STIM2: variants seen among roughly 807,000 people sequenced by gnomAD.
The protein encoded by STIM2 is stromal interaction molecule 2.
STIM2 carries 31 observed loss-of-function variants against 85.8 expected under a neutral mutation model. That is an observed-to-expected ratio of 0.36 (90% CI 0.27 to 0.49). STIM2 has a LOEUF of 0.49. STIM2 is among the 20% of genes least tolerant of loss of function. The pLI is 0.98. For missense variants in STIM2, 841 were observed against 927.6 expected (o/e 0.91, Z 1.21); for synonymous variants, 356 against 331.1 (o/e 1.08, Z -0.82).
At chr4:26,935,658 C>T (rs1725365979) in intron 2 of STIM2, among the ~76,000 whole-genome samples, 1 of 152,180 alleles carries the variant, frequency 6.6e-6, no homozygotes, top group Admixed American at 6.5e-5. Context: ...TTAACAAATC[C>T]TCTGGGTGAT....
chr4:26,860,911 T>C lies in STIM2; in HGVS notation c.-308T>C. 9.0e-7 allele frequency: 1 copy of C among 1,116,678 alleles called. No homozygotes were observed. Among genetic ancestry groups the C allele is most frequent in the Non-Finnish European group, 1.1e-6 (1 of 902,900 alleles). The allele number at this position is 1,116,678 out of a possible 1,614,324, so 69.2% of individuals were successfully genotyped here. On this transcript the variant is annotated 5_prime_UTR_variant, in exon 1 of 12. Transcript: ENST00000467087. ...TGCACCGCCTGAAGACGCCGTACCTTTCTACCCCCCACCTTTTTTTTTTTT... is the reference window on the plus strand; with the variant it reads ...TGCACCGCCTGAAGACGCCGTACCTCTCTACCCCCCACCTTTTTTTTTTTT...
rs184719589 is a variant in STIM2, at chr4:26,997,734, T to C, written c.510-1498T>C. Among the ~76,000 whole-genome samples, 5 of 152,342 alleles carry C rather than the reference T, an allele frequency of 3.3e-5. No homozygotes were observed. In the East Asian group the frequency reaches 7.7e-4, roughly 23 times the overall value. On this transcript the variant is annotated intron_variant, in intron 4 of 11. Coordinates refer to ENST00000467087, the MANE Select transcript of STIM2 (RefSeq NM_020860.4). ...ACATTAGGCTTTGGGGATACAGAGA[T>C]ACGACATAGTCTTTGCCTTCATGCA...
intron 1 of STIM2, among the ~76,000 whole-genome samples, chr4:26,892,997 C>A (rs1723552233): frequency 6.6e-6 from 1 of 152,158 alleles, no homozygotes; most frequent in Non-Finnish European, 1.5e-5. Flanking sequence ...CTGTCATTCT[C>A]CAAAATTCAT....
At chr4:26,988,262 T>G (rs1727650702) in intron 3 of STIM2, among the ~76,000 whole-genome samples, 1 of 152,112 alleles carries the variant, frequency 6.6e-6, no homozygotes. Flanking sequence ...ATATGATAAA[T>G]CCTATGGCAG....
At chr4:26,894,635 G>C (rs116454663) in intron 1 of STIM2, among the ~76,000 whole-genome samples, 1,943 of 151,748 alleles carry the variant, frequency 0.013, 35 homozygotes, top group African/African-American at 0.044. Context: ...TCTGTTCTGG[G>C]CTCTTTATTT....
chr4:27,001,040 G>T (rs1728132370), intron 5 of STIM2, among the ~76,000 whole-genome samples: 1 of 152,150 alleles, frequency 6.6e-6, no homozygotes, highest in Non-Finnish European at 1.5e-5. Flanking sequence ...GTACACTCTG[G>T]CAATGTGGAG....
At chr4:27,008,059 T>G in intron 8 of STIM2, 1 of 709,100 alleles carries the variant, frequency 1.4e-6, no homozygotes, top group South Asian at 1.5e-5. Context: ...GGAATGAGAA[T>G]AAGTCTTAAT....
chr4:26,868,526 G>A (rs1722488116), intron 1 of STIM2, among the ~76,000 whole-genome samples: 1 of 152,108 alleles, frequency 6.6e-6, no homozygotes. Flanking sequence ...ATCATAAGCA[G>A]CCTCATCAAA....
chr4:26,905,815 C>A (rs1724102600), intron 1 of STIM2, among the ~76,000 whole-genome samples: 1 of 152,016 alleles, frequency 6.6e-6, no homozygotes, highest in Admixed American at 6.6e-5. Context: ...ACATTAAGAA[C>A]TTGCATTACT....
At chr4:27,014,516 C>T (rs1354410455) in intron 10 of STIM2, among the ~76,000 whole-genome samples, 1 of 151,002 alleles carries the variant, frequency 6.6e-6, no homozygotes, top group Non-Finnish European at 1.5e-5. Context: ...AACATCTTTG[C>T]CTATTGATTT....
chr4:26,974,551 T>A (rs538301571), intron 3 of STIM2, among the ~76,000 whole-genome samples: 109 of 152,354 alleles, frequency 7.2e-4, no homozygotes, highest in African/African-American at 2.6e-3. Context: ...TCTTTAAGAA[T>A]GTTGAATATC....
intron 2 of STIM2, among the ~76,000 whole-genome samples, chr4:26,920,673 T>C (rs374298868): frequency 5.3e-5 from 8 of 152,224 alleles, no homozygotes; most frequent in African/African-American, 1.9e-4. Context: ...CTTGGCTTGC[T>C]ATACAAAACG....
intron 1 of STIM2, among the ~76,000 whole-genome samples, chr4:26,883,095 C>T (rs1193997757): frequency 6.6e-5 from 10 of 151,304 alleles, no homozygotes; most frequent in Non-Finnish European, 1.3e-4. Flanking sequence ...GTGATCCGCC[C>T]ACCTTGGCCT....
chr4:26,890,077 C>G (rs566260948), intron 1 of STIM2, among the ~76,000 whole-genome samples: 1 of 152,288 alleles, frequency 6.6e-6, no homozygotes, highest in Non-Finnish European at 1.5e-5. Context: ...GCCCAAAGTT[C>G]TGTCCACAGG....
chr4:27,001,785 G>C (rs752312640), intron 5 of STIM2, among the ~76,000 whole-genome samples: 2 of 152,212 alleles, frequency 1.3e-5, no homozygotes, highest in African/African-American at 2.4e-5. Context: ...TTTGGTGAGT[G>C]ATCAGGTTTA....
chr4:26,917,667 C>T (rs1724634056), intron 1 of STIM2, among the ~76,000 whole-genome samples: 1 of 152,158 alleles, frequency 6.6e-6, no homozygotes, highest in South Asian at 2.1e-4. Context: ...ATGGTCCTCA[C>T]TGTTGACTCC....
chr4:26,964,541 A>G (rs1252950293), intron 3 of STIM2, among the ~76,000 whole-genome samples: 3 of 152,154 alleles, frequency 2.0e-5, no homozygotes, highest in African/African-American at 7.2e-5. Flanking sequence ...GCAGTGTTTT[A>G]AAGGAAGATT....
In STIM2 at chr4:26,983,981, A is replaced by C. The variant is rs141780693; in HGVS notation, c.398-11398A>C. ...AGTGTTAATAGCAGAAAATTAAAGC[A>C]AACAGTTGTAAAGCTATAATTGAAA... On this transcript the variant is annotated intron_variant, in intron 3 of 11. Transcript: ENST00000467087. Among the ~76,000 whole-genome samples, 139 of 152,372 alleles carry C rather than the reference A, an allele frequency of 9.1e-4. 1 individual carries two copies. Among genetic ancestry groups the C allele is most frequent in the East Asian group, 6.0e-3 (31 of 5,192 alleles).
At chr4:26,922,366 A>G (rs895178211) in intron 2 of STIM2, among the ~76,000 whole-genome samples, 1 of 152,194 alleles carries the variant, frequency 6.6e-6, no homozygotes, top group Non-Finnish European at 1.5e-5. Context: ...AACAAATTCC[A>G]TGTCAACTCT....
Sources: allele counts gnomAD v4.1 joint callset (sites outside exome capture counted in the v4.1 genomes callset), GRCh38; gene constraint gnomAD v4.1.1; transcripts MANE v1.5; gene names NCBI Gene and HGNC (gene_info 2026-07-23, HGNC 2026-07-21).